Variants in LYRM1 observed in about 807,000 individuals in gnomAD.
The protein encoded by LYRM1 is LYR motif-containing protein 1.
A neutral mutation model predicts 14.9 loss-of-function variants in LYRM1; 14 were observed. That is an observed-to-expected ratio of 0.94 (90% CI 0.62 to 1.47). The LOEUF is 1.47. Ranked by LOEUF, LYRM1 falls within the 40% of genes most tolerant of loss-of-function variation. The pLI is 0.00. For missense variants in LYRM1, 153 were observed against 149.9 expected, an observed-to-expected ratio of 1.02 and a Z score of -0.11; for synonymous variants, 43 against 56.2, an observed-to-expected ratio of 0.77 and a Z score of 1.05.
intron 1 of LYRM1, among the ~76,000 whole-genome samples, chr16:20,913,784 A>T (rs1470790631): frequency 6.6e-6 from 1 of 152,092 alleles, no homozygotes; most frequent in African/African-American, 2.4e-5. Flanking sequence ...AGGGGCCTTG[A>T]GATCTTCAGT....
At chr16:20,917,258 C>T (rs1173096775) in intron 2 of LYRM1, among the ~76,000 whole-genome samples, 1 of 151,986 alleles carries the variant, frequency 6.6e-6, no homozygotes, top group East Asian at 1.9e-4. Flanking sequence ...GTATATGTAC[C>T]CCATGAGGTC....
At chr16:20,905,740 T>G (rs1238236865) in intron 1 of LYRM1, among the ~76,000 whole-genome samples, 1 of 152,140 alleles carries the variant, frequency 6.6e-6, no homozygotes, top group African/African-American at 2.4e-5. Flanking sequence ...AACTTAAGAG[T>G]GAGGGTTACA....
chr16:20,921,679 C>T lies in LYRM1; in HGVS notation c.252+1465C>T, dbSNP rs917896513. The T allele has an allele frequency of 8.6e-4, 123 of 143,724 alleles. 2 individuals are homozygous for T. Among genetic ancestry groups the T allele is most frequent in the African/African-American group, 3.1e-3 (118 of 38,258 alleles). 8.9% of individuals were successfully genotyped at this position (143,724 alleles called of 1,614,324 possible). A position where few individuals can be genotyped will look rare whatever the true frequency, so the allele number is the denominator to read the frequency against. ...CCTCCAAAAGTGCTAGGATGACAGG[C>T]GTAAGCCACTGCGCCCAGCCCAAAT... On this transcript the variant is annotated intron_variant, in intron 3 of 3. Transcript: ENST00000567954.
chr16:20,900,123 T>G (rs1436841565), upstream of LYRM1: 2 of 90,014 alleles, frequency 2.2e-5, no homozygotes, highest in Non-Finnish European at 4.4e-5. Flanking sequence ...CCCCCCTTTC[T>G]CGAAGGTACC....
rs759338347 is a variant in LYRM1, at chr16:20,920,126, C to A, written c.164C>A (p.Thr55Lys). ...RTLFRKNKNL[T>K]DTDLIKQCID... ...TTTCTTTCTCCCTTTTAATAGCTCA[C>A]GGACACAGACCTAATTAAACAGTGT... The change falls in exon 3 of 4, where the codon ACG becomes AAG. Residue 55 changes from threonine (T) to lysine (K), a missense_variant. By Grantham distance (78) the Thr-to-Lys change is moderately conservative (BLOSUM62 -1). Transcript: ENST00000567954. 1.9e-6 allele frequency: 3 copies of A among 1,608,126 alleles called. No individual in the cohort carries two copies. In the African/African-American group the frequency reaches 4.0e-5, roughly 22 times the overall value.
chr16:20,922,621 C>G (rs1406834046), intron 3 of LYRM1, among the ~76,000 whole-genome samples: 2 of 152,106 alleles, frequency 1.3e-5, no homozygotes, highest in Non-Finnish European at 2.9e-5. Flanking sequence ...TCCCAAGTAG[C>G]TGGGATTACA....
chr16:20,902,260 AAC>A (rs1179826068), intron 1 of LYRM1, among the ~76,000 whole-genome samples: 1 of 152,244 alleles, frequency 6.6e-6, no homozygotes. Flanking sequence ...CCTACGGGAA[AAC>A]AGTTTAGAAA....
At chr16:20,906,868 C>T (rs1230512450) in intron 1 of LYRM1, among the ~76,000 whole-genome samples, 2 of 152,140 alleles carry the variant, frequency 1.3e-5, no homozygotes, top group Non-Finnish European at 2.9e-5. Context: ...CTGGGTATGC[C>T]TTGTACAGTA....
chr16:20,914,819 A>G (rs557595110), intron 1 of LYRM1, among the ~76,000 whole-genome samples: 51 of 152,164 alleles, frequency 3.4e-4, no homozygotes, highest in Non-Finnish European at 5.3e-4. Context: ...AAGTCCTCTC[A>G]TTTATATTAC....
rs990356877 is a variant in LYRM1 at position 20,924,321 on chromosome 16, G to C, written c.*205G>C. The C allele has an allele frequency of 4.1e-6, 2 of 490,588 alleles. No individual in the cohort carries two copies. Among genetic ancestry groups the C allele is most frequent in the Non-Finnish European group, 7.3e-6 (2 of 274,052 alleles). 30.4% of individuals were successfully genotyped at this position (490,588 alleles called of 1,614,324 possible). A position where few individuals can be genotyped will look rare whatever the true frequency, so the allele number is the denominator to read the frequency against. ...CTGAGTGGATGGCATTATCCCTAGAGGTCATGGACCTTACATCCTCACTGC... is the reference window on the plus strand; with the variant it reads ...CTGAGTGGATGGCATTATCCCTAGACGTCATGGACCTTACATCCTCACTGC... On this transcript the variant is annotated 3_prime_UTR_variant, in exon 4 of 4. Transcript: ENST00000567954.
intron 1 of LYRM1, among the ~76,000 whole-genome samples, chr16:20,911,456 T>C (rs769765005): frequency 1.3e-5 from 2 of 152,114 alleles, no homozygotes; most frequent in Admixed American, 1.3e-4. Flanking sequence ...AAGTTGAAAA[T>C]GGATCATGTT....
intron 1 of LYRM1, among the ~76,000 whole-genome samples, chr16:20,904,409 A>C (rs2082214698): frequency 6.6e-6 from 1 of 152,144 alleles, no homozygotes; most frequent in Non-Finnish European, 1.5e-5. Context: ...GTGTTCTAAA[A>C]ACTTCCCATA....
intron 1 of LYRM1, among the ~76,000 whole-genome samples, chr16:20,907,467 C>G (rs1331688277): frequency 1.3e-5 from 2 of 152,098 alleles, no homozygotes; most frequent in African/African-American, 4.8e-5. Flanking sequence ...CTCAAGGGAT[C>G]CTCCCACCTC....
intron 1 of LYRM1, among the ~76,000 whole-genome samples, chr16:20,912,794 C>T (rs1217390612): frequency 4.0e-5 from 6 of 151,444 alleles, no homozygotes; most frequent in African/African-American, 9.7e-5. Flanking sequence ...AGGCGGGGTG[C>T]GGTGGCTCAT....
At chr16:20,915,408 C>A in intron 1 of LYRM1, 148 bp from the exon 2 acceptor site, 2 of 659,518 alleles carry the variant, frequency 3.0e-6, no homozygotes, top group Non-Finnish European at 4.8e-6. Context: ...TCCAGTGAGC[C>A]GAGATTGCAC....
intron 1 of LYRM1, among the ~76,000 whole-genome samples, chr16:20,907,983 G>A (rs1229771385): frequency 6.6e-6 from 1 of 152,142 alleles, no homozygotes. Flanking sequence ...CAGGTGTCTG[G>A]CACATGGTGG....
At chr16:20,915,829 C>T in intron 2 of LYRM1, 115 bp downstream of exon 2, 1 of 1,170,932 alleles carries the variant, frequency 8.5e-7, no homozygotes, top group Non-Finnish European at 1.2e-6. Context: ...GGTGGCAGAA[C>T]TTGGGGCAGG....
chr16:20,909,392 G>A (rs1037783885), intron 1 of LYRM1, among the ~76,000 whole-genome samples: 8 of 152,126 alleles, frequency 5.3e-5, no homozygotes, highest in Non-Finnish European at 7.4e-5. Context: ...AAGAAATGTC[G>A]GTCTCAGAAT....
In LYRM1 at chr16:20,924,711, C is replaced by A. The variant is rs966160642; in HGVS notation, c.*595C>A. 6.6e-6 allele frequency: 1 copy of A among 152,110 alleles called. No individual in the cohort carries two copies. Among genetic ancestry groups the A allele is most frequent in the Non-Finnish European group, 1.5e-5 (1 of 68,052 alleles). 9.4% of individuals were successfully genotyped at this position (152,110 alleles called of 1,614,324 possible). A position where few individuals can be genotyped will look rare whatever the true frequency, so the allele number is the denominator to read the frequency against. ...AATGCATATATTCCTTATCTTAAAG[C>A]CTGTCATTACTTAGGATGCACTTAT... On this transcript the variant is annotated 3_prime_UTR_variant, in exon 4 of 4. Coordinates refer to ENST00000567954, the MANE Select transcript of LYRM1 (RefSeq NM_001128302.3).
Sources: allele counts gnomAD v4.1 joint callset (sites outside exome capture counted in the v4.1 genomes callset), GRCh38; gene constraint gnomAD v4.1.1; transcripts MANE v1.5; gene names NCBI Gene and HGNC (gene_info 2026-07-23, HGNC 2026-07-21).